RAPGEF4: variants seen among roughly 807,000 people sequenced by gnomAD.
RAPGEF4 encodes the protein Rap guanine nucleotide exchange factor 4, also known as RAP guanine-nucleotide-exchange factor (GEF) 4.
In RAPGEF4, 66 loss-of-function variants were observed where a neutral mutation model predicts 147.9. The observed-to-expected ratio is 0.45, with a 90% CI of 0.37 to 0.55. RAPGEF4 has a LOEUF of 0.55. Among genes scored for constraint, RAPGEF4 ranks in the 20% least tolerant of loss-of-function variants. The pLI, the probability that RAPGEF4 is intolerant of heterozygous loss-of-function variation, is 0.00. For missense variants in RAPGEF4, 1,071 were observed against 1,257.3 expected, an observed-to-expected ratio of 0.85 and a Z score of 2.24; for synonymous variants, 419 against 442.7, an observed-to-expected ratio of 0.95 and a Z score of 0.67.
chr2:172,933,505 G>T (rs570147916), intron 6 of RAPGEF4, among the ~76,000 whole-genome samples: 1 of 152,138 alleles, frequency 6.6e-6, no homozygotes, highest in Non-Finnish European at 1.5e-5. Context: ...ATTTTGCACC[G>T]TACCTGGGTG....
At chr2:172,817,346 G>T (rs1458035554) in intron 4 of RAPGEF4, among the ~76,000 whole-genome samples, 1 of 152,118 alleles carries the variant, frequency 6.6e-6, no homozygotes, top group Non-Finnish European at 1.5e-5. Context: ...GGCATATATA[G>T]CGCTAATCTG....
intron 4 of RAPGEF4, among the ~76,000 whole-genome samples, chr2:172,841,176 G>A (rs1393337470): frequency 6.6e-6 from 1 of 152,170 alleles, no homozygotes; most frequent in African/African-American, 2.4e-5. Flanking sequence ...GCTGGTGGGG[G>A]CAGATCCCTC....
intron 17 of RAPGEF4, among the ~76,000 whole-genome samples, chr2:173,007,999 A>C (rs994203343): frequency 6.6e-6 from 1 of 152,142 alleles, no homozygotes; most frequent in Non-Finnish European, 1.5e-5. Context: ...CTCATCTCGA[A>C]TTGTAATCTG....
chr2:172,749,591 A>G (rs906708355), intron 1 of RAPGEF4, among the ~76,000 whole-genome samples: 2 of 152,218 alleles, frequency 1.3e-5, no homozygotes, highest in African/African-American at 2.4e-5. Flanking sequence ...CCTCCAGGCC[A>G]TTGATGGGAA....
intron 29 of RAPGEF4, among the ~76,000 whole-genome samples, chr2:173,044,484 C>T (rs1312154363): frequency 1.3e-5 from 2 of 152,176 alleles, no homozygotes; most frequent in African/African-American, 2.4e-5. Context: ...GAAAAATAGA[C>T]GCGTGACATA....
At chr2:172,947,352 G>C (rs941540084) in intron 6 of RAPGEF4, among the ~76,000 whole-genome samples, 1 of 152,066 alleles carries the variant, frequency 6.6e-6, no homozygotes, top group African/African-American at 2.4e-5. Context: ...TACTTTTGAG[G>C]GTGTTGGTGG....
At chr2:172,801,535 G>A (rs548239018) in intron 3 of RAPGEF4, among the ~76,000 whole-genome samples, 22 of 152,256 alleles carry the variant, frequency 1.4e-4, no homozygotes, top group African/African-American at 3.4e-4. Context: ...ATGACAGGAG[G>A]CTATGTGCCC....
intron 1 of RAPGEF4, among the ~76,000 whole-genome samples, chr2:172,762,829 C>T (rs1303812375): frequency 1.3e-5 from 2 of 152,108 alleles, no homozygotes; most frequent in Non-Finnish European, 1.5e-5. Context: ...AGGGAAGTGG[C>T]GAGTGGGGCC....
chr2:172,805,669 T>C (rs1208737759), intron 3 of RAPGEF4, among the ~76,000 whole-genome samples: 17 of 152,284 alleles, frequency 1.1e-4, no homozygotes, highest in Admixed American at 3.3e-4. Context: ...TTGGCCTCTA[T>C]CAAGGATTAA....
At chr2:172,854,429 A>G (rs1196625299) in intron 4 of RAPGEF4, among the ~76,000 whole-genome samples, 1 of 151,866 alleles carries the variant, frequency 6.6e-6, no homozygotes, top group Non-Finnish European at 1.5e-5. Flanking sequence ...TTCATGGTGT[A>G]TATTTTTCCA....
At chr2:172,761,575 T>G (rs977991182) in intron 1 of RAPGEF4, among the ~76,000 whole-genome samples, 27 of 152,122 alleles carry the variant, frequency 1.8e-4, no homozygotes, top group Admixed American at 3.3e-4. Context: ...AGAGGAGTTG[T>G]GACTAGTAGT....
chr2:172,959,316 G>A (rs1449726196), intron 6 of RAPGEF4, among the ~76,000 whole-genome samples: 1 of 152,092 alleles, frequency 6.6e-6, no homozygotes, highest in Non-Finnish European at 1.5e-5. Context: ...CTTGGCCTTT[G>A]GCCTCTTTAA....
intron 6 of RAPGEF4, among the ~76,000 whole-genome samples, chr2:172,946,005 G>A (rs1237042156): frequency 2.0e-5 from 3 of 152,086 alleles, no homozygotes; most frequent in African/African-American, 4.8e-5. Flanking sequence ...AATATGAGTG[G>A]GTAAGGGGAA....
chr2:172,958,959 A>G (rs1288480037), intron 6 of RAPGEF4, among the ~76,000 whole-genome samples: 2 of 152,250 alleles, frequency 1.3e-5, no homozygotes, highest in South Asian at 2.1e-4. Context: ...AGCTACATAC[A>G]ATATTATATA....
intron 20 of RAPGEF4, 84 bp from the exon 21 acceptor site, chr2:173,017,342 T>C: frequency 1.3e-6 from 2 of 1,501,036 alleles, no homozygotes; most frequent in Non-Finnish European, 1.9e-6. Flanking sequence ...TTGACTCTGC[T>C]TGCTTCTCAG....
chr2:173,039,430 G>A (rs1039072260), intron 29 of RAPGEF4, among the ~76,000 whole-genome samples: 11 of 150,822 alleles, frequency 7.3e-5, no homozygotes, highest in African/African-American at 2.0e-4. Flanking sequence ...GCACCACTGC[G>A]CTCCAGCCTG....
At chr2:172,846,436 G>C (rs767035991) in intron 4 of RAPGEF4, among the ~76,000 whole-genome samples, 6 of 152,188 alleles carry the variant, frequency 3.9e-5, no homozygotes, top group Non-Finnish European at 7.4e-5. Flanking sequence ...AAAAATTGCT[G>C]AATAGTATTT....
chr2:172,749,292 G>T (rs1394582048), intron 1 of RAPGEF4, among the ~76,000 whole-genome samples: 6 of 152,214 alleles, frequency 3.9e-5, no homozygotes, highest in Non-Finnish European at 5.9e-5. Flanking sequence ...CCCTGCCCCT[G>T]CAGCAAGCTT....
rs1694868532 is a variant in RAPGEF4 at position 173,010,137 on chromosome 2, G to A, written c.1659-4327G>A. Among the ~76,000 whole-genome samples, 3 of 152,322 alleles carry A rather than the reference G, an allele frequency of 2.0e-5. 1 individual carries two copies. In the South Asian group the frequency reaches 6.2e-4, roughly 32 times the overall value. On this transcript the variant is annotated intron_variant, in intron 17 of 30. Coordinates refer to ENST00000397081, the MANE Select transcript of RAPGEF4 (RefSeq NM_007023.4). ...CTAAGGTGATGGAGTTGAAGGAAAT[G>A]TAATCAAAGGGCTCTTGAAACAGAG...
Sources: gnomAD v4.1 joint callset for allele counts (sites outside exome capture counted in the v4.1 genomes callset) on GRCh38, gnomAD v4.1.1 for gene constraint, MANE v1.5 for transcripts, NCBI Gene and HGNC (gene_info 2026-07-23, HGNC 2026-07-21) for gene names.